The following SLC22A9 variants were observed in gnomAD, a reference collection of about 807,000 sequenced individuals.
The protein encoded by SLC22A9 is solute carrier family 22 member 9.
SLC22A9 carries 64 observed loss-of-function variants against 50.1 expected under a neutral mutation model. That is an observed-to-expected ratio of 1.28 (90% CI 1.04 to 1.57). The LOEUF (loss-of-function observed/expected upper bound fraction) is 1.57. Among genes scored for constraint, SLC22A9 ranks in the 40% most tolerant of loss-of-function variants. SLC22A9 has a pLI of 0.00. For missense variants in SLC22A9, 757 were observed against 676.1 expected, an observed-to-expected ratio of 1.12 and a Z score of -1.33; for synonymous variants, 261 against 242.5, an observed-to-expected ratio of 1.08 and a Z score of -0.71.
chr11:63,370,183 T>C lies in SLC22A9; in HGVS notation c.127T>C (p.Phe43Leu), dbSNP rs567397143. The C allele has an allele frequency of 3.7e-6, 6 of 1,614,002 alleles. No homozygotes were observed. The highest frequency in any genetic ancestry group is 5.1e-6 in the Non-Finnish European group (6 of 1,179,968). ...LHFMLENFTA[F>L]IPGHRCWVHI... ...TTTTATGCTGGAGAACTTCACTGCA[T>C]TCATACCTGGCCATCGCTGCTGGGT... is the stretch of plus-strand genomic sequence containing the variant. The change falls in exon 1 of 10, where the codon TTC (phenylalanine) becomes CTC (leucine). Residue 43 changes from phenylalanine (F) to leucine (L), a missense_variant. Physicochemically the swap from Phe to Leu is conservative, Grantham distance 22. Coordinates refer to ENST00000279178, the MANE Select transcript of SLC22A9 (RefSeq NM_080866.3).
chr11:63,398,565 C>T (rs1381636494), intron 6 of SLC22A9, among the ~76,000 whole-genome samples: 1 of 152,180 alleles, frequency 6.6e-6, no homozygotes, highest in Admixed American at 6.5e-5. Context: ...TGGTTGCTGG[C>T]TGAGTTCTGT....
At chr11:63,394,716 T>C (rs1024184176) in intron 6 of SLC22A9, among the ~76,000 whole-genome samples, 4 of 152,182 alleles carry the variant, frequency 2.6e-5, no homozygotes, top group Non-Finnish European at 5.9e-5. Flanking sequence ...CGATTATCTA[T>C]TTGAGATGAA....
At chr11:63,394,139 C>A (rs1238327920) in intron 6 of SLC22A9, among the ~76,000 whole-genome samples, 2 of 152,108 alleles carry the variant, frequency 1.3e-5, no homozygotes, top group Non-Finnish European at 2.9e-5. Context: ...TTTTTCAGCT[C>A]CATCAGGTCA....
intron 6 of SLC22A9, among the ~76,000 whole-genome samples, chr11:63,398,025 C>G (rs565440744): frequency 6.6e-6 from 1 of 152,282 alleles, no homozygotes; most frequent in South Asian, 2.1e-4. Flanking sequence ...CAGAGTCTCA[C>G]CCAAGGCCAA....
chr11:63,381,449 G>A (rs1164624823), intron 5 of SLC22A9, among the ~76,000 whole-genome samples: 1 of 152,028 alleles, frequency 6.6e-6, no homozygotes, highest in Non-Finnish European at 1.5e-5. Context: ...AACCTAACCT[G>A]GTAAATATAG....
At chr11:63,385,241 T>C (rs111615688) in intron 6 of SLC22A9, among the ~76,000 whole-genome samples, 5,172 of 151,600 alleles carry the variant, frequency 0.034, 130 homozygotes, top group Non-Finnish European at 0.057. Context: ...TCCTGAATAC[T>C]GTTGCCTAGA....
At chr11:63,390,118 TG>T (rs2014738243) in intron 6 of SLC22A9, among the ~76,000 whole-genome samples, 1 of 152,236 alleles carries the variant, frequency 6.6e-6, no homozygotes, top group Non-Finnish European at 1.5e-5. Flanking sequence ...TCTCCCATTC[TG>T]TAGATTGACT....
intron 5 of SLC22A9, 144 bp downstream of exon 5, chr11:63,375,912 T>C (rs2014453883): frequency 3.8e-6 from 4 of 1,053,996 alleles, no homozygotes; most frequent in African/African-American, 3.2e-5. Flanking sequence ...TCATTTTTAA[T>C]GGGCTTCAAT....
chr11:63,391,002 GT>G (rs2014754606), intron 6 of SLC22A9, among the ~76,000 whole-genome samples: 1 of 151,908 alleles, frequency 6.6e-6, no homozygotes, highest in African/African-American at 2.4e-5. Context: ...TATCCCGTAG[GT>G]TTTGATATGT....
intron 5 of SLC22A9, among the ~76,000 whole-genome samples, chr11:63,377,026 T>C (rs2014472204): frequency 6.6e-6 from 1 of 152,094 alleles, no homozygotes; most frequent in African/African-American, 2.4e-5. Flanking sequence ...CACCCAACAC[T>C]GGAGCACGAA....
At chr11:63,384,968 C>T (rs2014635214) in intron 6 of SLC22A9, among the ~76,000 whole-genome samples, 1 of 151,792 alleles carries the variant, frequency 6.6e-6, no homozygotes, top group Non-Finnish European at 1.5e-5. Context: ...TGTCCTTTGC[C>T]CACTTTTCAA....
chr11:63,395,671 G>A (rs1182547577), intron 6 of SLC22A9, among the ~76,000 whole-genome samples: 1 of 152,154 alleles, frequency 6.6e-6, no homozygotes, highest in Non-Finnish European at 1.5e-5. Context: ...GTGGTTTAAT[G>A]TTCTATTTTT....
At chr11:63,389,142 T>A (rs1300270144) in intron 6 of SLC22A9, among the ~76,000 whole-genome samples, 1 of 152,056 alleles carries the variant, frequency 6.6e-6, no homozygotes, top group Non-Finnish European at 1.5e-5. Context: ...TATTGTGTTA[T>A]TTATTTTATT....
At position 63,410,105 on chromosome 11, in the gene SLC22A9, A is replaced by G; in HGVS notation, c.*243A>G. On this transcript the variant is annotated 3_prime_UTR_variant, in exon 10 of 10. Coordinates refer to ENST00000279178, the MANE Select transcript of SLC22A9 (RefSeq NM_080866.3). The stretch of plus-strand genomic sequence containing the variant: ...ACAAATACAAAACTTCGCTGGGCAC[A>G]GTGGCACAGGCCTTTAATTCCAGCT... 2.9e-6 allele frequency: 1 copy of G among 342,560 alleles called. No individual in the cohort carries two copies. Among genetic ancestry groups the G allele is most frequent in the East Asian group, 6.0e-5 (1 of 16,734 alleles). 21.2% of individuals were successfully genotyped at this position (342,560 alleles called of 1,614,324 possible). A position where few individuals can be genotyped will look rare whatever the true frequency, so the allele number is the denominator to read the frequency against.
At position 63,408,197 on chromosome 11, in the gene SLC22A9, T is replaced by C. The variant is rs1305020791; in HGVS notation, c.1374T>C (p.Asn458=). Residue 458 remains asparagine, a synonymous_variant, in exon 8 of 10, where the codon AAT becomes AAC. Coordinates refer to ENST00000279178, the MANE Select transcript of SLC22A9 (RefSeq NM_080866.3). Reference sequence around the variant, plus strand: ...ATACCCTTGCTTTTGCCCATGGAAATGAAGTAATTCCCACCATAATCAGGT... The same window carrying C: ...ATACCCTTGCTTTTGCCCATGGAAACGAAGTAATTCCCACCATAATCAGGT... The part of the protein sequence containing the change: ...LANTLAFAHG[N]EVIPTIIRAR... 5 of 1,613,658 alleles carry C rather than the reference T, an allele frequency of 3.1e-6. No homozygotes were observed. Among genetic ancestry groups the C allele is most frequent in the Non-Finnish European group, 4.2e-6 (5 of 1,179,724 alleles).
chr11:63,391,941 G>A (rs2014771198), intron 6 of SLC22A9, among the ~76,000 whole-genome samples: 1 of 151,950 alleles, frequency 6.6e-6, no homozygotes, highest in Non-Finnish European at 1.5e-5. Flanking sequence ...TTGGTGATAT[G>A]TTTTAATCTC....
intron 6 of SLC22A9, among the ~76,000 whole-genome samples, chr11:63,399,150 T>G (rs1259157397): frequency 1.3e-5 from 2 of 152,152 alleles, no homozygotes; most frequent in Non-Finnish European, 2.9e-5. Context: ...TATAGAGGAC[T>G]TACAAAGTAA....
chr11:63,382,186 C>T lies in SLC22A9; in HGVS notation c.982C>T (p.Leu328=). Residue 328 remains leucine, a synonymous_variant, in exon 6 of 10, where the codon CTG becomes TTG. Coordinates refer to ENST00000279178, the MANE Select transcript of SLC22A9 (RefSeq NM_080866.3). ...EILKSTMKKE[L]EAAQKKKPSL... is the part of the protein sequence containing the mutation. ...TTTGAAATCCACCATGAAAAAAGAA[C>T]TGGAGGCAGCACAAAAAAAAAAACC... The T allele has an allele frequency of 6.2e-7, 1 of 1,606,088 alleles. No individual in the cohort carries two copies. Among genetic ancestry groups the T allele is most frequent in the Non-Finnish European group, 8.5e-7 (1 of 1,177,490 alleles).
intron 8 of SLC22A9, 151 bp downstream of exon 8, chr11:63,408,371 A>C: frequency 1.4e-6 from 1 of 721,634 alleles, no homozygotes; most frequent in Non-Finnish European, 2.3e-6. Context: ...ACTTTATCTC[A>C]AGCTGACTTT....
Sources: gnomAD v4.1 joint callset for allele counts (sites outside exome capture counted in the v4.1 genomes callset) on GRCh38, gnomAD v4.1.1 for gene constraint, MANE v1.5 for transcripts, NCBI Gene and HGNC (gene_info 2026-07-23, HGNC 2026-07-21) for gene names.